Variants in PAX8 observed in about 807,000 individuals in gnomAD.
PAX8 encodes paired box 8.
In PAX8, 15 loss-of-function variants were observed where a neutral mutation model predicts 52.4. The ratio of observed to expected loss-of-function variants is 0.29; its 90% CI spans 0.19 to 0.44. PAX8 has a LOEUF of 0.44. PAX8 is among the 20% of genes least tolerant of loss of function. The pLI, the probability that PAX8 is intolerant of heterozygous loss-of-function variation, is 1.00. For missense variants in PAX8, 554 were observed against 602.5 expected (o/e 0.92, Z 0.84); for synonymous variants, 284 against 249.7 (o/e 1.14, Z -1.29).
intron 7 of PAX8, chr2:113,238,007 C>T (rs1195007552): frequency 2.0e-5 from 3 of 151,532 alleles, no homozygotes; most frequent in African/African-American, 4.9e-5. Flanking sequence ...CTAAATGGTG[C>T]TCTGGTTCCA....
intron 9 of PAX8, among the ~76,000 whole-genome samples, chr2:113,231,542 A>G (rs1689889489): frequency 7.8e-6 from 1 of 127,850 alleles, no homozygotes; most frequent in African/African-American, 3.0e-5. Flanking sequence ...AACGCTATGA[A>G]GTAGTGAAGG....
At chr2:113,277,228 TC>T (rs1693881042) in intron 2 of PAX8, among the ~76,000 whole-genome samples, 1 of 152,046 alleles carries the variant, frequency 6.6e-6, no homozygotes, top group African/African-American at 2.4e-5. Flanking sequence ...CGTCTGCAGC[TC>T]TAGAGAGAAC....
chr2:113,222,542 C>T (rs80197656), intron 10 of PAX8, among the ~76,000 whole-genome samples: 2,796 of 152,270 alleles, frequency 0.018, 107 homozygotes, highest in African/African-American at 0.064. Flanking sequence ...AACGTCTCTG[C>T]CCCGATGAAA....
intron 2 of PAX8, among the ~76,000 whole-genome samples, chr2:113,253,730 C>T (rs987764019): frequency 2.6e-5 from 4 of 152,080 alleles, no homozygotes; most frequent in African/African-American, 7.2e-5. Flanking sequence ...TTTGGGTGTT[C>T]TAATAACATG....
chr2:113,230,394 T>G (rs752017108), intron 9 of PAX8: 5 of 152,326 alleles, frequency 3.3e-5, no homozygotes, highest in Non-Finnish European at 5.9e-5. Context: ...CTTAATATGG[T>G]CCAGAGGTGC....
intron 10 of PAX8, 149 bp from the exon 11 acceptor site, chr2:113,220,327 A>G: frequency 1.5e-6 from 1 of 652,926 alleles, no homozygotes; most frequent in Non-Finnish European, 2.8e-6. Flanking sequence ...TGGAGCTCAG[A>G]AGGTCCCTCT....
At chr2:113,243,663 A>G (rs1255406821) in intron 4 of PAX8, among the ~76,000 whole-genome samples, 2 of 152,192 alleles carry the variant, frequency 1.3e-5, no homozygotes, top group Non-Finnish European at 2.9e-5. Flanking sequence ...AAGTGCTGGG[A>G]TTACAGGCAT....
chr2:113,264,423 A>G (rs1248533208), intron 2 of PAX8, among the ~76,000 whole-genome samples: 1 of 152,266 alleles, frequency 6.6e-6, no homozygotes, highest in Non-Finnish European at 1.5e-5. Flanking sequence ...ATATAGCAAT[A>G]TCATGGGAAA....
chr2:113,262,079 C>G (rs1234519847), intron 2 of PAX8, among the ~76,000 whole-genome samples: 1 of 152,198 alleles, frequency 6.6e-6, no homozygotes, highest in Non-Finnish European at 1.5e-5. Flanking sequence ...ATCCACCTGC[C>G]TCGGCCTCCC....
chr2:113,226,955 G>C, intron 10 of PAX8, 200 bp downstream of exon 10: 2 of 1,491,182 alleles, frequency 1.3e-6, no homozygotes, highest in South Asian at 2.5e-5. Context: ...GCCGAGCTGG[G>C]GCAAGTTAAA....
chr2:113,220,839 G>A (rs1689237888), intron 10 of PAX8, among the ~76,000 whole-genome samples: 1 of 152,184 alleles, frequency 6.6e-6, no homozygotes, highest in Non-Finnish European at 1.5e-5. Flanking sequence ...GTTCCATCCT[G>A]AGTCTGCCGC....
At chr2:113,272,393 G>A (rs1693521267) in intron 2 of PAX8, 3 of 152,186 alleles carry the variant, frequency 2.0e-5, no homozygotes, top group African/African-American at 7.2e-5. Context: ...GGGGTCTAGA[G>A]GGGCTTTCAG....
rs187747599 is a variant in PAX8 at position 113,278,005 on chromosome 2, G to T, written c.25+365C>A. Among the ~76,000 whole-genome samples, 199 of 152,320 alleles carry T rather than the reference G, an allele frequency of 1.3e-3. 1 individual carries two copies. Among genetic ancestry groups the T allele is most frequent in the African/African-American group, 4.3e-3 (180 of 41,564 alleles). On this transcript the variant is annotated intron_variant, in intron 2 of 11. Coordinates refer to ENST00000429538, the MANE Select transcript of PAX8 (RefSeq NM_003466.4). ...ACTTAGAGGTCGGGGACGGGGAAAC[G>T]GCAAGTCCAGCACCGGTGCAGCCCA...
At chr2:113,271,350 C>T (rs1486538897) in intron 2 of PAX8, 1 of 152,154 alleles carries the variant, frequency 6.6e-6, no homozygotes, top group African/African-American at 2.4e-5. Flanking sequence ...CTTGTGGTGC[C>T]TGAGGATAGC....
chr2:113,252,269 G>A (rs1056321498), intron 2 of PAX8, among the ~76,000 whole-genome samples: 7 of 152,094 alleles, frequency 4.6e-5, no homozygotes, highest in Non-Finnish European at 1.0e-4. Flanking sequence ...AGGCCTATAC[G>A]CCTTCCACAA....
At position 113,242,249 on chromosome 2, in the gene PAX8, A is replaced by G. The variant is rs118006067; in HGVS notation, c.479-119T>C. 0.039 allele frequency: 29,285 copies of G among 757,620 alleles called. 1,148 individuals carry two copies. The highest frequency in any genetic ancestry group is 0.13 in the South Asian group (7,972 of 60,876). 46.9% of individuals were successfully genotyped at this position (757,620 alleles called of 1,614,324 possible). A position where few individuals can be genotyped will look rare whatever the true frequency, so the allele number is the denominator to read the frequency against. On this transcript the variant is annotated intron_variant, in intron 5 of 11. Coordinates refer to ENST00000429538, the MANE Select transcript of PAX8 (RefSeq NM_003466.4). ...GCAGGGGCTGGGGGAGAGGGAGAGGAGCAAGGGGTGGGACACCCCTTACAG... is the reference window on the plus strand; with the variant it reads ...GCAGGGGCTGGGGGAGAGGGAGAGGGGCAAGGGGTGGGACACCCCTTACAG...
rs943067906 is a variant in PAX8 at position 113,244,588 on chromosome 2, T to C, written c.228A>G (p.Ile76Met). 9.9e-6 allele frequency: 16 copies of C among 1,614,160 alleles called. No homozygotes were observed. Among genetic ancestry groups the C allele is most frequent in the Non-Finnish European group, 1.4e-5 (16 of 1,179,996 alleles). The change falls in exon 4 of 12, where the codon ATA (isoleucine) becomes ATG (methionine). Residue 76 changes from isoleucine to methionine, a missense_variant. Around this residue, in one of 2 missense-constraint regions of PAX8, gnomAD observed 109 missense variants for 192.7 expected, o/e 0.57. Coordinates refer to ENST00000429538, the MANE Select transcript of PAX8 (RefSeq NM_003466.4). ...YETGSIRPGV[I>M]GGSKPKVATP... is the part of the protein sequence containing the mutation. ...TGGCCACCTTGGGCTTGGAGCCCCC[T>C]ATCACTCCAGGCCGGATGCTGCCAG...
chr2:113,258,615 G>T (rs1031151503), intron 2 of PAX8, among the ~76,000 whole-genome samples: 2 of 152,172 alleles, frequency 1.3e-5, no homozygotes, highest in East Asian at 3.8e-4. Context: ...AAAGGCATTC[G>T]CAGCTCCGCT....
intron 2 of PAX8, among the ~76,000 whole-genome samples, chr2:113,277,542 C>G (rs1693908713): frequency 6.6e-6 from 1 of 152,170 alleles, no homozygotes; most frequent in African/African-American, 2.4e-5. Context: ...TGCGGCCGGC[C>G]GGGCTCCATC....
Sources: allele counts gnomAD v4.1 joint callset (sites outside exome capture counted in the v4.1 genomes callset), GRCh38; gene constraint gnomAD v4.1.1; regional missense constraint gnomAD v4.1.1; transcripts MANE v1.5; gene names NCBI Gene and HGNC (gene_info 2026-07-23, HGNC 2026-07-21).